Variants in ABHD2 observed in about 807,000 individuals in gnomAD.
ABHD2 encodes the protein abhydrolase domain containing 2, acylglycerol lipase, also known as monoacylglycerol lipase ABHD2.
In ABHD2, 20 loss-of-function variants were observed where a neutral mutation model predicts 48.1. That is an observed-to-expected ratio of 0.42 (90% confidence interval 0.29 to 0.60). The LOEUF (loss-of-function observed/expected upper bound fraction) is 0.60. ABHD2 is among the 20% of genes least tolerant of loss of function. The pLI, the probability that ABHD2 is intolerant of heterozygous loss-of-function variation, is 0.24. For missense variants in ABHD2, 405 were observed against 550.9 expected, an observed-to-expected ratio of 0.74 and a Z score of 2.65; for synonymous variants, 209 against 214.2, an observed-to-expected ratio of 0.98 and a Z score of 0.21.
chr15:89,180,767 C>G (rs532199213), intron 6 of ABHD2, among the ~76,000 whole-genome samples: 1 of 152,138 alleles, frequency 6.6e-6, no homozygotes, highest in Non-Finnish European at 1.5e-5. Flanking sequence ...TGGTTTTGCC[C>G]CCACTGCAGG....
the ABHD2 span, among the ~76,000 whole-genome samples, chr15:89,079,657 A>G: frequency 6.6e-6 from 1 of 152,360 alleles, no homozygotes; most frequent in Non-Finnish European, 1.5e-5. This position sits in a 1 kb window ranked among gnomAD's most constrained non-coding sequence, Gnocchi z 4.3. Flanking sequence ...CAACTATTTA[A>G]AGCCTTTGGA....
intron 1 of ABHD2, among the ~76,000 whole-genome samples, chr15:89,107,874 C>G (rs896079038): frequency 6.6e-6 from 1 of 152,150 alleles, no homozygotes; most frequent in Non-Finnish European, 1.5e-5. Context: ...GAGATCTCCC[C>G]CTCCCCCAGC....
chr15:89,094,063 C>A lies in ABHD2; in HGVS notation c.-107+5500C>A, dbSNP rs1194063841. 6.6e-6 allele frequency: 1 copy of A among 152,218 alleles called. No individual in the cohort carries two copies. The highest frequency in any genetic ancestry group is 1.9e-4 in the East Asian group (1 of 5,200). 9.4% of individuals were successfully genotyped at this position (152,218 alleles called of 1,614,324 possible). A position where few individuals can be genotyped will look rare whatever the true frequency, so the allele number is the denominator to read the frequency against. ...CTAATCTAGAGTCCTTACCTTCTGG[C>A]CTTTGCTCATTGCAGAGCCCCCACA... On this transcript the variant is annotated intron_variant, in intron 1 of 10. Transcript: ENST00000352732. This position sits in a 1 kb window ranked among gnomAD's most constrained non-coding sequence, Gnocchi z 4.7.
intron 6 of ABHD2, among the ~76,000 whole-genome samples, chr15:89,183,904 G>GAGGC: frequency 6.6e-6 from 1 of 152,304 alleles, no homozygotes; most frequent in South Asian, 2.1e-4. Flanking sequence ...AGTCAGAGGA[G>GAGGC]AGGCAGCTGG....
the ABHD2 span, among the ~76,000 whole-genome samples, chr15:89,081,166 ATTTTTTTTTT>A: frequency 2.6e-5 from 3 of 115,296 alleles, no homozygotes; most frequent in African/African-American, 7.4e-5. Context: ...TGCCCAGCTA[ATTTTTTTTTT>A]TTTTTTTTTT....
rs1901468706 is a variant in ABHD2, at chr15:89,088,774, G to A, written c.-107+211G>A. 6.6e-6 allele frequency among the ~76,000 whole-genome samples: 1 copy of A among 152,224 alleles called. No homozygotes were observed. Among genetic ancestry groups the A allele is most frequent in the Non-Finnish European group, 1.5e-5 (1 of 68,034 alleles). On this transcript the variant is annotated intron_variant, in intron 1 of 10. Transcript: ENST00000352732. This position sits in a 1 kb window ranked among gnomAD's most constrained non-coding sequence, Gnocchi z 6.8. ...CAGCCCAGATCGCGGCGGGGGATAC[G>A]CCTTCCTGAGGCCCTTTGTCCCCTT...
At chr15:89,121,994 T>G (rs2050059308) in intron 3 of ABHD2, among the ~76,000 whole-genome samples, 2 of 152,146 alleles carry the variant, frequency 1.3e-5, no homozygotes, top group Non-Finnish European at 2.9e-5. Context: ...ACCCAGCTAA[T>G]TTTTAAAATT....
At chr15:89,162,719 G>A (rs1229742912) in intron 5 of ABHD2, among the ~76,000 whole-genome samples, 3 of 151,834 alleles carry the variant, frequency 2.0e-5, no homozygotes, top group African/African-American at 7.2e-5. Context: ...ATTATCTAAT[G>A]CCCCTCCTTA....
rs1373610768 is a variant in ABHD2, at chr15:89,100,881, C to A, written c.-107+12318C>A. Reference sequence around the variant, plus strand: ...AGACTCCATCTCAAAAAAAAAGGAACCTTATTTTATAATTTCACCAGCCTT... The same window carrying A: ...AGACTCCATCTCAAAAAAAAAGGAAACTTATTTTATAATTTCACCAGCCTT... On this transcript the variant is annotated intron_variant, in intron 1 of 10. Coordinates refer to ENST00000352732, the MANE Select transcript of ABHD2 (RefSeq NM_152924.5). The surrounding 1 kb of genome is among the most constrained non-coding windows in gnomAD (Gnocchi z 4.4). 6.6e-6 allele frequency among the ~76,000 whole-genome samples: 1 copy of A among 152,002 alleles called. No individual in the cohort carries two copies. Among genetic ancestry groups the A allele is most frequent in the Non-Finnish European group, 1.5e-5 (1 of 68,004 alleles).
chr15:89,068,134 A>G, the ABHD2 span, among the ~76,000 whole-genome samples: 1 of 151,734 alleles, frequency 6.6e-6, no homozygotes, highest in Admixed American at 6.6e-5. Flanking sequence ...GCAACTAACC[A>G]TCTAATGTTA....
At chr15:89,154,127 G>C (rs1354989761) in intron 4 of ABHD2, among the ~76,000 whole-genome samples, 3 of 152,094 alleles carry the variant, frequency 2.0e-5, no homozygotes, top group Non-Finnish European at 4.4e-5. Context: ...CTGTTTAGAG[G>C]TACAGTGACT....
At chr15:89,063,148 A>C in the ABHD2 span, among the ~76,000 whole-genome samples, 1 of 151,854 alleles carries the variant, frequency 6.6e-6, no homozygotes, top group East Asian at 1.9e-4. Flanking sequence ...TTGTATTTTT[A>C]GTAGAGATGG....
chr15:89,143,855 G>A (rs983052629), intron 3 of ABHD2, among the ~76,000 whole-genome samples: 1 of 151,932 alleles, frequency 6.6e-6, no homozygotes, highest in African/African-American at 2.4e-5. Flanking sequence ...GATAGCTATA[G>A]TAATTTCTTT....
the ABHD2 span, among the ~76,000 whole-genome samples, chr15:89,057,922 C>G: frequency 6.6e-6 from 1 of 152,182 alleles, no homozygotes; most frequent in Non-Finnish European, 1.5e-5. Context: ...CAGCTCTTCG[C>G]CCTCTACCCA....
chr15:89,057,891 C>T, the ABHD2 span, among the ~76,000 whole-genome samples: 1 of 152,244 alleles, frequency 6.6e-6, no homozygotes, highest in African/African-American at 2.4e-5. Flanking sequence ...CTTTAGTTTG[C>T]CAGGTCTGAC....
At chr15:89,136,788 A>G (rs1441545217) in intron 3 of ABHD2, among the ~76,000 whole-genome samples, 1 of 152,230 alleles carries the variant, frequency 6.6e-6, no homozygotes, top group East Asian at 1.9e-4. Context: ...GTGATTTTCC[A>G]GCTCTAATCT....
chr15:89,043,238 TA>T, the ABHD2 span, among the ~76,000 whole-genome samples: 1 of 152,044 alleles, frequency 6.6e-6, no homozygotes, highest in Non-Finnish European at 1.5e-5. Context: ...TCTAGCACCC[TA>T]GGGGGGCAAG....
At position 89,177,765 on chromosome 15, in the gene ABHD2, T is replaced by A. The variant is rs918309055; in HGVS notation, c.722+1770T>A. 6.6e-6 allele frequency among the ~76,000 whole-genome samples: 1 copy of A among 151,984 alleles called. No individual in the cohort carries two copies. Among genetic ancestry groups the A allele is most frequent in the African/African-American group, 2.4e-5 (1 of 41,378 alleles). On this transcript the variant is annotated intron_variant, in intron 6 of 10. Coordinates refer to ENST00000352732, the MANE Select transcript of ABHD2 (RefSeq NM_152924.5). This position sits in a 1 kb window ranked among gnomAD's most constrained non-coding sequence, Gnocchi z 5.6. ...CACGTGTAACCAGAATTAACCAAAG[T>A]CCTGTCGGGCCCAGTCACTGGGATA... is the stretch of plus-strand genomic sequence containing the variant.
intron 5 of ABHD2, among the ~76,000 whole-genome samples, chr15:89,160,892 T>C (rs2050752714): frequency 6.6e-6 from 1 of 152,246 alleles, no homozygotes; most frequent in South Asian, 2.1e-4. Context: ...AGATGGAAAG[T>C]AGTTATTGGT....
Sources: gnomAD v4.1 joint callset for allele counts (sites outside exome capture counted in the v4.1 genomes callset) on GRCh38, gnomAD v4.1.1 for gene constraint, Gnocchi (gnomAD v3.1) non-coding constraint, MANE v1.5 for transcripts, NCBI Gene and HGNC (gene_info 2026-07-23, HGNC 2026-07-21) for gene names.